The following HMG20A variants were observed in gnomAD, a reference collection of about 807,000 sequenced individuals.
The protein encoded by HMG20A is high mobility group 20A, also known as high mobility group protein 20A.
In HMG20A, 17 loss-of-function variants were observed where a neutral mutation model predicts 43.9. That is an observed-to-expected ratio of 0.39 (90% CI 0.27 to 0.58). The LOEUF (loss-of-function observed/expected upper bound fraction) is 0.58, where lower values mean the gene tolerates loss of function less well. Among genes scored for constraint, HMG20A ranks in the 20% least tolerant of loss-of-function variants. The pLI, the probability that HMG20A is intolerant of heterozygous loss-of-function variation, is 0.59. For synonymous variants in HMG20A, 132 were observed against 147.5 expected (o/e 0.89, Z 0.76); for missense variants, 341 against 438.2 (o/e 0.78, Z 1.98).
chr15:77,467,069 GTT>G, intron 3 of HMG20A, 24 bp from the exon 4 acceptor site: 1 of 1,588,446 alleles, frequency 6.3e-7, no homozygotes, highest in Non-Finnish European at 8.6e-7. Flanking sequence ...TTGGTTTTTG[GTT>G]TTTTATTTTG....
intron 1 of HMG20A, among the ~76,000 whole-genome samples, chr15:77,446,272 A>G (rs891693069): frequency 1.1e-4 from 16 of 152,164 alleles, no homozygotes; most frequent in Admixed American, 3.3e-4. Flanking sequence ...CGTTATACAC[A>G]TCAGCCATTA....
At chr15:77,450,514 A>G (rs1252448498) in intron 1 of HMG20A, among the ~76,000 whole-genome samples, 1 of 152,248 alleles carries the variant, frequency 6.6e-6, no homozygotes, top group African/African-American at 2.4e-5. Context: ...CCACATGTAC[A>G]GTCTGTGATT....
Position 77,467,315 on chromosome 15 carries a change from T to C in HMG20A, c.450+8T>C. 1 of 1,595,670 alleles carries C rather than the reference T, an allele frequency of 6.3e-7. No homozygotes were observed. The highest frequency in any genetic ancestry group is 8.6e-7 in the Non-Finnish European group (1 of 1,163,372). On this transcript the variant is annotated splice_region_variant and intron_variant, in intron 4 of 9. Coordinates refer to ENST00000336216, the MANE Select transcript of HMG20A (RefSeq NM_001304504.2). ...CCTCCTGAGGAAAAACAGGTAATTGTTCCTATTCCTGACTCTTTGTTTGGT... is the reference window on the plus strand; with the variant it reads ...CCTCCTGAGGAAAAACAGGTAATTGCTCCTATTCCTGACTCTTTGTTTGGT...
chr15:77,468,226 A>G (rs1392069896), intron 4 of HMG20A, among the ~76,000 whole-genome samples: 2 of 152,186 alleles, frequency 1.3e-5, no homozygotes, highest in Non-Finnish European at 2.9e-5. Context: ...TGTACATACT[A>G]TGCTATTCTT....
chr15:77,477,568 T>A lies in HMG20A; in HGVS notation c.629T>A (p.Val210Glu). The change falls in exon 7 of 10, where the codon GTA (valine) becomes GAA (glutamate). Residue 210 changes from valine (V) to glutamate (E), a missense_variant. Val to Glu is a moderately radical substitution (Grantham distance 121). This residue lies in a region of HMG20A where 220 missense variants were observed against 263.6 expected (regional missense o/e 0.83). Transcript: ENST00000336216. ...ATHDHEKETE[V>E]KERSVFDIPI... The stretch of plus-strand genomic sequence containing the variant: ...CTTGATTCACAGAAAGAAACAGAGG[T>A]AAAGGAACGGTCTGTTTTTGACATC... 6.2e-7 allele frequency: 1 copy of A among 1,610,858 alleles called. No homozygotes were observed. The highest frequency in any genetic ancestry group is 8.5e-7 in the Non-Finnish European group (1 of 1,177,414).
chr15:77,477,562 CAG>C lies in HMG20A; in HGVS notation c.626_627del (p.Glu209GlyfsTer8). The C allele has an allele frequency of 6.2e-7, 1 of 1,608,202 alleles. No individual in the cohort carries two copies. Among genetic ancestry groups the C allele is most frequent in the Non-Finnish European group, 8.5e-7 (1 of 1,175,266 alleles). ...GTTCCTCTTGATTCACAGAAAGAAA[CAG>C]AGGTAAAGGAACGGTCTGTTTTTGA... On this transcript the variant is annotated frameshift_variant, in exon 7 of 10. Transcript: ENST00000336216. LOFTEE classifies it high-confidence loss of function.
At chr15:77,500,765 C>T in the HMG20A span, among the ~76,000 whole-genome samples, 2 of 152,150 alleles carry the variant, frequency 1.3e-5, no homozygotes, top group Non-Finnish European at 2.9e-5. Flanking sequence ...GACAGGGTTT[C>T]ACCATGTTGG....
chr15:77,508,726 C>T, the HMG20A span, among the ~76,000 whole-genome samples: 1 of 152,192 alleles, frequency 6.6e-6, no homozygotes, highest in Non-Finnish European at 1.5e-5. Context: ...GCAGGGCACG[C>T]CCCAAATGAG....
intron 2 of HMG20A, among the ~76,000 whole-genome samples, chr15:77,463,232 G>A (rs1182747747): frequency 2.6e-5 from 4 of 152,000 alleles, no homozygotes; most frequent in Admixed American, 1.3e-4. Context: ...TGATGAATAC[G>A]TACTCATCTT....
In HMG20A at chr15:77,471,931, T is replaced by A. The variant is rs2072813087; in HGVS notation, c.615+117T>A. On this transcript the variant is annotated intron_variant, in intron 6 of 9. Coordinates refer to ENST00000336216, the MANE Select transcript of HMG20A (RefSeq NM_001304504.2). ...GGCAAAGTATTTCCTATCTCGTAAT[T>A]CAGATTAAATGAGATACTTTAGCTT... 18 of 588,736 alleles carry A rather than the reference T, an allele frequency of 3.1e-5. No homozygotes were observed. The South Asian group carries it at 4.2e-4, about 14-fold the overall frequency. The allele number at this position is 588,736 out of a possible 1,614,324, so 36.5% of individuals were successfully genotyped here.
intron 1 of HMG20A, among the ~76,000 whole-genome samples, chr15:77,437,145 C>T (rs1237909924): frequency 5.9e-5 from 9 of 152,160 alleles, no homozygotes; most frequent in African/African-American, 1.9e-4. Flanking sequence ...AATGAAGTCT[C>T]CCCTGTTATT....
the HMG20A span, among the ~76,000 whole-genome samples, chr15:77,492,901 G>T: frequency 6.6e-6 from 1 of 152,266 alleles, no homozygotes; most frequent in African/African-American, 2.4e-5. Context: ...ACATTTGGGA[G>T]TTTGACTTGG....
At chr15:77,467,053 T>G (rs1415268223) in intron 3 of HMG20A, 42 bp from the exon 4 acceptor site, 3 of 1,520,004 alleles carry the variant, frequency 2.0e-6, no homozygotes, top group South Asian at 1.2e-5. Context: ...GGGAGATGGT[T>G]GTTGTTTGGT....
chr15:77,455,119 A>G (rs1304406410), intron 1 of HMG20A, among the ~76,000 whole-genome samples: 2 of 151,774 alleles, frequency 1.3e-5, no homozygotes, highest in Admixed American at 6.6e-5. Flanking sequence ...CAGAAGTACA[A>G]ATATGCTTCC....
chr15:77,476,907 C>G (rs914263802), intron 6 of HMG20A, among the ~76,000 whole-genome samples: 2 of 151,982 alleles, frequency 1.3e-5, no homozygotes, highest in Non-Finnish European at 2.9e-5. Flanking sequence ...TCTTTTGTAT[C>G]TCACATAATC....
At chr15:77,482,075 C>A (rs1242424369) in intron 9 of HMG20A, 3 of 152,124 alleles carry the variant, frequency 2.0e-5, no homozygotes, top group African/African-American at 4.8e-5. Flanking sequence ...TTGAAAATAT[C>A]TGCGTAGATG....
Position 77,478,280 on chromosome 15 carries a change from G to A in HMG20A, c.692-15G>A. 6.2e-7 allele frequency: 1 copy of A among 1,612,568 alleles called. No homozygotes were observed. The highest frequency in any genetic ancestry group is 1.9e-4 in the Middle Eastern group (1 of 5,300). On this transcript the variant is annotated splice_polypyrimidine_tract_variant and intron_variant, in intron 7 of 9. Transcript: ENST00000336216. The stretch of plus-strand genomic sequence containing the variant: ...TTCTAGTGCTGCATGTGTTCTGTGG[G>A]ATGTATGTCCTCAGCTCGGGAAGCA...
chr15:77,483,697 C>T lies in HMG20A; in HGVS notation c.*734C>T, dbSNP rs72744533. 0.014 allele frequency: 2,214 copies of T among 152,878 alleles called. 32 individuals are homozygous for T. The highest frequency in any genetic ancestry group is 0.025 in the Non-Finnish European group (1,726 of 68,158). The allele number at this position is 152,878 out of a possible 1,614,324, so 9.5% of individuals were successfully genotyped here. ...CTCTTTCCTTCCTCACTGGTACTGCCTGCTGTTTTCTAAGCATTGCTCCTG... is the reference window on the plus strand; with the variant it reads ...CTCTTTCCTTCCTCACTGGTACTGCTTGCTGTTTTCTAAGCATTGCTCCTG... On this transcript the variant is annotated 3_prime_UTR_variant, in exon 10 of 10. Transcript: ENST00000336216.
chr15:77,431,864 C>A (rs2073488636), intron 1 of HMG20A, among the ~76,000 whole-genome samples: 1 of 152,080 alleles, frequency 6.6e-6, no homozygotes, highest in South Asian at 2.1e-4. Context: ...TTCTAGATTC[C>A]ACATATGAGA....
Sources: allele counts gnomAD v4.1 joint callset (sites outside exome capture counted in the v4.1 genomes callset), GRCh38; gene constraint gnomAD v4.1.1; regional missense constraint gnomAD v4.1.1; transcripts MANE v1.5; gene names NCBI Gene and HGNC (gene_info 2026-07-23, HGNC 2026-07-21).